Variants in MBOAT4 observed in about 807,000 individuals in gnomAD.
The protein encoded by MBOAT4 is membrane-bound ghrelin O-acyltransferase MBOAT4.
In MBOAT4, 11 loss-of-function variants were observed where a neutral mutation model predicts 13.2. That is an observed-to-expected ratio of 0.84 (90% CI 0.53 to 1.38). The LOEUF (loss-of-function observed/expected upper bound fraction) is 1.38, where lower values mean the gene tolerates loss of function less well. Ranked by LOEUF, MBOAT4 falls within the 40% of genes most tolerant of loss-of-function variation. MBOAT4 has a pLI of 0.00. For missense variants in MBOAT4, 481 were observed against 527.2 expected (o/e 0.91, Z 0.86); for synonymous variants, 202 against 210.3 (o/e 0.96, Z 0.34).
chr8:30,132,453 G>A lies in MBOAT4; in HGVS notation c.798C>T (p.Leu266=), dbSNP rs1488696492. ...GCTCAGGCCCAAAGCCCGCTGCGTG[G>A]AGGAGGGAGTCGTCCAGGATCCAGT... ...YSHWILDDSL[L]HAAGFGPELG... The change falls in exon 3 of 3, where the codon CTC becomes CTT. Residue 266 remains leucine (L), a synonymous_variant. Coordinates refer to ENST00000320542, the MANE Select transcript of MBOAT4 (RefSeq NM_001100916.2). The A allele has an allele frequency of 2.6e-6, 4 of 1,551,766 alleles. No individual in the cohort carries two copies. The South Asian group carries it at 4.8e-5, about 18-fold the overall frequency.
chr8:30,139,291 C>CGT (rs1554486372), intron 1 of MBOAT4, among the ~76,000 whole-genome samples: 12 of 151,582 alleles, frequency 7.9e-5, no homozygotes, highest in Non-Finnish European at 2.9e-5. Context: ...GGCCCTGGAA[C>CGT]CTCTCTTTGA....
Position 30,132,658 on chromosome 8 carries a change from G to A in MBOAT4, c.593C>T (p.Pro198Leu). Residue 198 changes from proline to leucine, a missense_variant, in exon 3 of 3, where the codon CCC becomes CTC. Physicochemically the swap from Pro to Leu is moderately conservative, Grantham distance 98. Coordinates refer to ENST00000320542, the MANE Select transcript of MBOAT4 (RefSeq NM_001100916.2). ...GCTCAGAGCCCAGAAAGAGTGTCTG[G>A]GATGCAAAGCACTGGACCCTTGAAC... is the stretch of plus-strand genomic sequence containing the variant. ...ARVQGSSALH[P>L]RHSFWALSWR... is the part of the protein sequence containing the mutation. 1 of 1,551,736 alleles carries A rather than the reference G, an allele frequency of 6.4e-7. No homozygotes were observed. The highest frequency in any genetic ancestry group is 1.7e-4 in the Middle Eastern group (1 of 5,992).
intron 2 of MBOAT4, among the ~76,000 whole-genome samples, chr8:30,134,590 G>A (rs1049102254): frequency 1.3e-5 from 2 of 152,050 alleles, no homozygotes; most frequent in African/African-American, 4.8e-5. Flanking sequence ...GGCCCAGGCT[G>A]GAGTGCAGTG....
In MBOAT4 at chr8:30,132,643, CAGAA is replaced by C; in HGVS notation, c.604_607del (p.Phe202GlyfsTer3). 1.3e-6 allele frequency: 2 copies of C among 1,551,750 alleles called. No individual in the cohort carries two copies. The highest frequency in any genetic ancestry group is 2.4e-5 in the South Asian group (2 of 84,064). On this transcript the variant is annotated frameshift_variant, in exon 3 of 3. Coordinates refer to ENST00000320542, the MANE Select transcript of MBOAT4 (RefSeq NM_001100916.2). LOFTEE classifies it low-confidence loss of function (END_TRUNC). ...CTGCAGACCCCTCCAGCTCAGAGCC[CAGAA>C]AGAGTGTCTGGGATGCAAAGCACTG...
At chr8:30,133,113 C>T (rs1282043483) in intron 2 of MBOAT4, among the ~76,000 whole-genome samples, 1 of 152,014 alleles carries the variant, frequency 6.6e-6, no homozygotes, top group Non-Finnish European at 1.5e-5. Flanking sequence ...CATGGGGTCT[C>T]ACTATGTTGC....
At chr8:30,134,209 G>T (rs1331181123) in intron 2 of MBOAT4, among the ~76,000 whole-genome samples, 7 of 152,124 alleles carry the variant, frequency 4.6e-5, no homozygotes, top group Non-Finnish European at 5.9e-5. Context: ...TGGATCACGA[G>T]GTCAAGAGAT....
chr8:30,138,819 A>C lies in MBOAT4; in HGVS notation c.120-63T>G, dbSNP rs1803206761. 4.5e-6 allele frequency: 6 copies of C among 1,319,198 alleles called. No homozygotes were observed. The South Asian group carries it at 7.7e-5, about 17-fold the overall frequency. 81.7% of individuals were successfully genotyped at this position (1,319,198 alleles called of 1,614,324 possible). A position where few individuals can be genotyped will look rare whatever the true frequency, so the allele number is the denominator to read the frequency against. ...AACGGCACAGCAAAGGAATTACTGC[A>C]GATGTCACTCCAGGGAACCCGATCT... On this transcript the variant is annotated intron_variant, in intron 1 of 2. Transcript: ENST00000320542.
Position 30,138,635 on chromosome 8 carries a change from G to A in MBOAT4, c.241C>T (p.Gln81Ter), listed in dbSNP as rs149633163. ...VALLCSLAPQ[Q>*]VHRWTFCFQM... Reference sequence around the variant, plus strand: ...AAGCAGAAGGTCCACCTGTGGACTTGCTGAGGAGCCAGGGAACAGAGGAGA... The same window carrying A: ...AAGCAGAAGGTCCACCTGTGGACTTACTGAGGAGCCAGGGAACAGAGGAGA... Residue 81 changes from glutamine to a stop codon, truncating the protein, a stop_gained, in exon 2 of 3, where the codon CAA becomes TAA. Transcript: ENST00000320542. LOFTEE classifies it high-confidence loss of function. 1 of 1,551,654 alleles carries A rather than the reference G, an allele frequency of 6.4e-7. No homozygotes were observed. Among genetic ancestry groups the A allele is most frequent in the East Asian group, 2.4e-5 (1 of 40,918 alleles).
At chr8:30,139,315 A>C (rs1563222798) in intron 1 of MBOAT4, among the ~76,000 whole-genome samples, 1 of 151,684 alleles carries the variant, frequency 6.6e-6, no homozygotes, top group Non-Finnish European at 1.5e-5. Context: ...CCTCCATTCA[A>C]GCGATTCCCT....
At chr8:30,138,136 TA>T (rs1447931010) in intron 2 of MBOAT4, 1 of 168,914 alleles carries the variant, frequency 5.9e-6, no homozygotes, top group Non-Finnish European at 1.3e-5. Context: ...AAATTATCCT[TA>T]AAAACTCAGA....
chr8:30,136,837 G>C (rs1211627625), intron 2 of MBOAT4, among the ~76,000 whole-genome samples: 1 of 151,160 alleles, frequency 6.6e-6, no homozygotes, highest in Admixed American at 6.6e-5. Context: ...CCAGGCGTCC[G>C]CCACTATGCC....
rs145609493 is a variant in MBOAT4 at position 30,132,799 on chromosome 8, C to T, written c.452G>A (p.Ser151Asn). ...CACATGCTCAGACAAAGAGCTCCTG[C>T]TCCTGAAGCCTCCAGATGCTGCCTT... is the stretch of plus-strand genomic sequence containing the variant. ...KVKAASGGFR[S>N]RSSLSEHVCK... Residue 151 changes from serine to asparagine, a missense_variant, in exon 3 of 3, where the codon AGC becomes AAC. By Grantham distance (46) the Ser-to-Asn change is conservative. Coordinates refer to ENST00000320542, the MANE Select transcript of MBOAT4 (RefSeq NM_001100916.2). The T allele has an allele frequency of 5.2e-6, 8 of 1,551,750 alleles. No individual in the cohort carries two copies. Among genetic ancestry groups the T allele is most frequent in the Non-Finnish European group, 7.0e-6 (8 of 1,147,004 alleles).
chr8:30,141,100 C>G lies in MBOAT4; in HGVS notation c.120-2344G>C, dbSNP rs1803254001. ...ATGCAATCCTCTTGCCTCAGCTTCT[C>G]AAAGTCCTGGGATTACAGGCATGAG... On this transcript the variant is annotated intron_variant, in intron 1 of 2. Transcript: ENST00000320542. Among the ~76,000 whole-genome samples, 5 of 152,088 alleles carry G rather than the reference C, an allele frequency of 3.3e-5. No homozygotes were observed. In the South Asian group the frequency reaches 1.0e-3, roughly 31 times the overall value.
At chr8:30,139,144 G>A (rs1432776651) in intron 1 of MBOAT4, among the ~76,000 whole-genome samples, 1 of 151,848 alleles carries the variant, frequency 6.6e-6, no homozygotes. Context: ...TTTTTTTAGA[G>A]ATGGGGTCTT....
In MBOAT4 at chr8:30,144,637, G is replaced by GCTCT. The variant is rs1803319918; in HGVS notation, c.-37_-36insAGAG. Reference sequence around the variant, plus strand: ...AACAAAAGAGCCTGTCTTTTCCAGTGTCCTTAACTGATGCCTTCCTCCAAG... The same window carrying GCTCT: ...AACAAAAGAGCCTGTCTTTTCCAGTGCTCTTCCTTAACTGATGCCTTCCTCCAAG... On this transcript the variant is annotated 5_prime_UTR_variant, in exon 1 of 3. Coordinates refer to ENST00000320542, the MANE Select transcript of MBOAT4 (RefSeq NM_001100916.2). The GCTCT allele has an allele frequency of 7.5e-7, 1 of 1,339,438 alleles. No individual in the cohort carries two copies. Among genetic ancestry groups the GCTCT allele is most frequent in the Admixed American group, 2.3e-5 (1 of 44,444 alleles). 83.0% of individuals were successfully genotyped at this position (1,339,438 alleles called of 1,614,324 possible).
At chr8:30,133,228 T>C (rs545991366) in intron 2 of MBOAT4, among the ~76,000 whole-genome samples, 5 of 152,294 alleles carry the variant, frequency 3.3e-5, no homozygotes, top group African/African-American at 1.2e-4. Context: ...TATTTATAGA[T>C]CTTAAGTATA....
chr8:30,143,273 A>C (rs1448215218), intron 1 of MBOAT4, among the ~76,000 whole-genome samples: 6 of 151,258 alleles, frequency 4.0e-5, no homozygotes, highest in Non-Finnish European at 7.4e-5. Context: ...CCTTGAATCC[A>C]GGAGGTGGAG....
At chr8:30,138,257 T>G (rs1336275210) in intron 2 of MBOAT4, 1 of 298,190 alleles carries the variant, frequency 3.4e-6, no homozygotes, top group Middle Eastern at 1.0e-3. Flanking sequence ...CTTTCTTTAC[T>G]GCAATTCCCC....
Position 30,144,469 on chromosome 8 carries a change from G to T in MBOAT4, c.119+14C>A. The T allele has an allele frequency of 3.3e-6, 5 of 1,510,272 alleles. No individual in the cohort carries two copies. The highest frequency in any genetic ancestry group is 4.5e-6 in the Non-Finnish European group (5 of 1,110,202). 93.6% of individuals were successfully genotyped at this position (1,510,272 alleles called of 1,614,324 possible). On this transcript the variant is annotated intron_variant, in intron 1 of 2. Coordinates refer to ENST00000320542, the MANE Select transcript of MBOAT4 (RefSeq NM_001100916.2). Reference sequence around the variant, plus strand: ...ATTTCTGGATGTAAGAGTAAAAATAGCCATCCAGCCTACCTGGCACGAGTG... The same window carrying T: ...ATTTCTGGATGTAAGAGTAAAAATATCCATCCAGCCTACCTGGCACGAGTG...
Sources: gnomAD v4.1 joint callset for allele counts (sites outside exome capture counted in the v4.1 genomes callset) on GRCh38, gnomAD v4.1.1 for gene constraint, MANE v1.5 for transcripts, NCBI Gene and HGNC (gene_info 2026-07-23, HGNC 2026-07-21) for gene names.